Variants in RELCH observed in about 807,000 individuals in gnomAD.
The protein encoded by RELCH is RAB11 binding and LisH domain, coiled-coil and HEAT repeat containing, also known as RAB11-binding protein RELCH.
RELCH carries 41 observed loss-of-function variants against 150.3 expected under a neutral mutation model. The observed-to-expected ratio is 0.27, with a 90% CI of 0.21 to 0.35. RELCH has a LOEUF of 0.35. RELCH is among the 10% of genes least tolerant of loss of function. RELCH has a pLI of 1.00. For missense variants in RELCH, 1,092 were observed against 1,467.8 expected, an observed-to-expected ratio of 0.74 and a Z score of 4.18; for synonymous variants, 478 against 531.8, an observed-to-expected ratio of 0.90 and a Z score of 1.39.
intron 1 of RELCH, among the ~76,000 whole-genome samples, chr18:62,193,799 A>G (rs970123199): frequency 2.0e-5 from 3 of 152,196 alleles, no homozygotes; most frequent in Non-Finnish European, 4.4e-5. Context: ...ATTGATGTTC[A>G]TCAGGGATAG....
At chr18:62,221,796 A>T (rs1435852468) in intron 5 of RELCH, among the ~76,000 whole-genome samples, 1 of 151,860 alleles carries the variant, frequency 6.6e-6, no homozygotes, top group East Asian at 1.9e-4. Flanking sequence ...CTTTTTAAAG[A>T]CATACTTTAT....
chr18:62,255,970 T>G (rs1277915777), intron 13 of RELCH, among the ~76,000 whole-genome samples: 2 of 152,104 alleles, frequency 1.3e-5, no homozygotes, highest in African/African-American at 4.8e-5. Flanking sequence ...CAATTTCACC[T>G]AAAAAGGAGC....
At chr18:62,211,566 T>C (rs1392687911) in intron 2 of RELCH, among the ~76,000 whole-genome samples, 1 of 152,138 alleles carries the variant, frequency 6.6e-6, no homozygotes, top group African/African-American at 2.4e-5. Context: ...CCTTTGATCC[T>C]CCAAACCAGG....
intron 8 of RELCH, among the ~76,000 whole-genome samples, chr18:62,229,485 G>GGTGTGTGTGTGT (rs58842870): frequency 1.5e-3 from 221 of 143,406 alleles, no homozygotes; most frequent in African/African-American, 3.1e-3. Flanking sequence ...GTATAGTAGG[G>GGTGTGTGTGTGT]GTGTGTGTGT....
chr18:62,199,531 C>T (rs2039282017), intron 1 of RELCH, among the ~76,000 whole-genome samples: 1 of 152,106 alleles, frequency 6.6e-6, no homozygotes, highest in Non-Finnish European at 1.5e-5. Flanking sequence ...ATTGAAGTTA[C>T]GTTAAAGAAT....
intron 28 of RELCH, among the ~76,000 whole-genome samples, chr18:62,299,159 G>A (rs2045552305): frequency 6.6e-6 from 1 of 152,052 alleles, no homozygotes; most frequent in Non-Finnish European, 1.5e-5. Flanking sequence ...TTATGTAGCT[G>A]GGTTGTTCAC....
At chr18:62,275,503 A>T in intron 22 of RELCH, 30 bp downstream of exon 22, 2 of 1,418,098 alleles carry the variant, frequency 1.4e-6, no homozygotes, top group Non-Finnish European at 2.0e-6. Context: ...TGTTGGTTTC[A>T]ATTATAATGA....
At chr18:62,256,209 T>TAA (rs1170613195) in intron 13 of RELCH, among the ~76,000 whole-genome samples, 2 of 151,408 alleles carry the variant, frequency 1.3e-5, no homozygotes, top group Non-Finnish European at 2.9e-5. Context: ...CAGAAACACT[T>TAA]ACAGTCAAAC....
intron 19 of RELCH, among the ~76,000 whole-genome samples, chr18:62,267,214 C>T (rs960758420): frequency 2.0e-5 from 3 of 151,748 alleles, no homozygotes; most frequent in African/African-American, 4.8e-5. Flanking sequence ...CCAGCTACTT[C>T]ATTGATAGTT....
intron 26 of RELCH, 150 bp downstream of exon 26, chr18:62,287,617 C>G (rs2044879902): frequency 3.3e-6 from 2 of 615,148 alleles, no homozygotes; most frequent in Non-Finnish European, 2.8e-6. Context: ...TCACTCCACT[C>G]CTTCTTCTAG....
chr18:62,219,586 A>G (rs764151243), intron 2 of RELCH, among the ~76,000 whole-genome samples: 13 of 151,630 alleles, frequency 8.6e-5, no homozygotes, highest in South Asian at 4.1e-4. Flanking sequence ...TCTTACTTCA[A>G]TGCAACTCTA....
intron 22 of RELCH, among the ~76,000 whole-genome samples, chr18:62,276,890 C>T (rs1350466915): frequency 3.3e-5 from 5 of 151,958 alleles, no homozygotes; most frequent in Admixed American, 2.6e-4. Flanking sequence ...GGATATAAAT[C>T]GTTTTGATTA....
At chr18:62,291,474 G>A (rs2045132118) in intron 26 of RELCH, 69 bp from the exon 27 acceptor site, 1 of 837,846 alleles carries the variant, frequency 1.2e-6, no homozygotes, top group African/African-American at 1.7e-5. Flanking sequence ...TTTATATGTA[G>A]TAACTCGGTT....
Position 62,227,489 on chromosome 18 carries a change from A to G in RELCH, c.1059A>G (p.Ala353=), listed in dbSNP as rs1248307270. The G allele has an allele frequency of 6.2e-7, 1 of 1,612,224 alleles. No homozygotes were observed. The highest frequency in any genetic ancestry group is 1.3e-5 in the African/African-American group (1 of 74,782). ...LPPTLETPQP[A]ENSMLVQKLE... ...CAACTCTTGAAACTCCCCAGCCTGC[A>G]GAGGTGAGAGATAGCAACTAATTAG... The change falls in exon 6 of 29, where the codon GCA becomes GCG. Residue 353 remains alanine, a synonymous_variant. Coordinates refer to ENST00000644646, the MANE Select transcript of RELCH (RefSeq NM_001346231.2).
chr18:62,196,865 TGAGAATA>T (rs2039085556), intron 1 of RELCH, among the ~76,000 whole-genome samples: 1 of 152,216 alleles, frequency 6.6e-6, no homozygotes, highest in South Asian at 2.1e-4. Flanking sequence ...TGAAAGAATT[TGAGAATA>T]GTCTCCTGTG....
At chr18:62,232,572 C>G (rs374909161) in intron 10 of RELCH, 145 bp downstream of exon 10, 1 of 594,448 alleles carries the variant, frequency 1.7e-6, no homozygotes, top group Non-Finnish European at 3.0e-6. Flanking sequence ...CATCTCTGCT[C>G]CTAGAGAATG....
chr18:62,294,657 G>A (rs1015569909), intron 27 of RELCH, among the ~76,000 whole-genome samples: 3 of 151,768 alleles, frequency 2.0e-5, no homozygotes, highest in East Asian at 1.9e-4. Context: ...TGGCATCTTC[G>A]AACACTGATT....
chr18:62,283,801 C>A (rs187753077), intron 25 of RELCH, among the ~76,000 whole-genome samples: 2 of 152,264 alleles, frequency 1.3e-5, no homozygotes, highest in Non-Finnish European at 2.9e-5. Context: ...GCTGTAGTTG[C>A]TCTGAGGCAA....
chr18:62,272,138 C>G (rs1216762237), intron 20 of RELCH, among the ~76,000 whole-genome samples: 1 of 152,024 alleles, frequency 6.6e-6, no homozygotes, highest in Admixed American at 6.6e-5. Flanking sequence ...GATATGGATA[C>G]TTTTCTGTTT....
Sources: allele counts gnomAD v4.1 joint callset (sites outside exome capture counted in the v4.1 genomes callset), GRCh38; gene constraint gnomAD v4.1.1; transcripts MANE v1.5; gene names NCBI Gene and HGNC (gene_info 2026-07-23, HGNC 2026-07-21).